PREX2: variants seen among roughly 807,000 people sequenced by gnomAD.
The protein encoded by PREX2 is phosphatidylinositol 3,4,5-trisphosphate-dependent Rac exchanger 2 protein.
In PREX2, 107 loss-of-function variants were observed where a neutral mutation model predicts 203.2. That is an observed-to-expected ratio of 0.53 (90% CI 0.45 to 0.62). The LOEUF is 0.62. PREX2 is among the 20% of genes least tolerant of loss of function. The pLI, the probability that PREX2 is intolerant of heterozygous loss-of-function variation, is 0.00. For synonymous variants in PREX2, 672 were observed against 663.6 expected, an observed-to-expected ratio of 1.01 and a Z score of -0.19; for missense variants, 1,777 against 1,955.9, an observed-to-expected ratio of 0.91 and a Z score of 1.72.
chr8:68,036,563 A>C (rs1271948538), intron 6 of PREX2, among the ~76,000 whole-genome samples: 1 of 152,168 alleles, frequency 6.6e-6, no homozygotes, highest in African/African-American at 2.4e-5. Context: ...CACTTTGCTT[A>C]ATGAACACAT....
chr8:68,164,349 A>ATT (rs112741830), intron 35 of PREX2, among the ~76,000 whole-genome samples: 44,610 of 126,784 alleles, frequency 0.35, 6,845 homozygotes, highest in East Asian at 0.54. Flanking sequence ...CTTAATATGT[A>ATT]TTATATATAT....
chr8:68,216,682 A>G, intron 37 of PREX2, among the ~76,000 whole-genome samples: 1 of 152,050 alleles, frequency 6.6e-6, no homozygotes, highest in Non-Finnish European at 1.5e-5. Context: ...AGAAAAGGAA[A>G]AGAACAGCCG....
At chr8:68,022,638 A>C (rs925991785) in intron 4 of PREX2, among the ~76,000 whole-genome samples, 1 of 152,196 alleles carries the variant, frequency 6.6e-6, no homozygotes, top group Non-Finnish European at 1.5e-5. Flanking sequence ...TTTGGCTGTC[A>C]CGGGCAAACT....
At chr8:67,982,700 A>G (rs1806306867) in intron 1 of PREX2, among the ~76,000 whole-genome samples, 1 of 152,132 alleles carries the variant, frequency 6.6e-6, no homozygotes, top group Admixed American at 6.6e-5. Context: ...TTTTGCCTTT[A>G]TATTTCCTTC....
chr8:68,064,344 G>T (rs901179880), intron 11 of PREX2, among the ~76,000 whole-genome samples: 1 of 152,004 alleles, frequency 6.6e-6, no homozygotes, highest in African/African-American at 2.4e-5. Flanking sequence ...CATAAATTAT[G>T]TTGCAAAAAG....
At chr8:68,139,412 A>C (rs1045851260) in intron 33 of PREX2, among the ~76,000 whole-genome samples, 2 of 152,142 alleles carry the variant, frequency 1.3e-5, no homozygotes, top group African/African-American at 2.4e-5. Context: ...GCATAGGTGG[A>C]GTGGAGCAAG....
At chr8:68,119,996 T>C (rs1390440807) in intron 28 of PREX2, among the ~76,000 whole-genome samples, 200 bp from the exon 29 acceptor site, 1 of 152,192 alleles carries the variant, frequency 6.6e-6, no homozygotes, top group Non-Finnish European at 1.5e-5. Flanking sequence ...TAATATATGG[T>C]AAGATAGTAA....
At chr8:68,225,523 G>C (rs995301807) in intron 39 of PREX2, among the ~76,000 whole-genome samples, 1 of 152,174 alleles carries the variant, frequency 6.6e-6, no homozygotes, top group Non-Finnish European at 1.5e-5. Context: ...CACTGCCACA[G>C]ACAAAACACT....
chr8:68,004,762 G>C (rs1051270967), intron 1 of PREX2, among the ~76,000 whole-genome samples: 1 of 152,104 alleles, frequency 6.6e-6, no homozygotes, highest in Non-Finnish European at 1.5e-5. Flanking sequence ...TCATTTATTT[G>C]TGTCACATTG....
chr8:68,118,435 A>G, intron 26 of PREX2, 115 bp from the exon 27 acceptor site: 4 of 635,730 alleles, frequency 6.3e-6, no homozygotes, highest in South Asian at 5.9e-5. Flanking sequence ...TCTTTCTCAT[A>G]GTTTTCTCTA....
intron 1 of PREX2, among the ~76,000 whole-genome samples, chr8:67,989,614 C>G (rs1198490454): frequency 6.6e-6 from 1 of 152,034 alleles, no homozygotes; most frequent in East Asian, 1.9e-4. Flanking sequence ...ATGATTTTGC[C>G]ACTTTAAGTA....
intron 1 of PREX2, among the ~76,000 whole-genome samples, chr8:68,007,232 G>C (rs1024269897): frequency 6.6e-6 from 1 of 152,024 alleles, no homozygotes; most frequent in Non-Finnish European, 1.5e-5. Flanking sequence ...TGTTATCCTA[G>C]GTTTTCACAG....
intron 23 of PREX2, 62 bp downstream of exon 23, chr8:68,099,905 T>G: frequency 7.4e-7 from 1 of 1,358,538 alleles, no homozygotes; most frequent in Non-Finnish European, 1.1e-6. Flanking sequence ...ATGTCAAATT[T>G]AAATCAATTT....
At chr8:67,994,225 C>T (rs1477989501) in intron 1 of PREX2, among the ~76,000 whole-genome samples, 3 of 152,152 alleles carry the variant, frequency 2.0e-5, no homozygotes, top group Non-Finnish European at 4.4e-5. Context: ...TTCTCAGAAA[C>T]GTGTCCCACT....
intron 37 of PREX2, among the ~76,000 whole-genome samples, chr8:68,214,022 G>A (rs1260661576): frequency 6.6e-6 from 1 of 152,082 alleles, no homozygotes; most frequent in African/African-American, 2.4e-5. Context: ...TTTCCAGGTG[G>A]GGTAAAAATA....
chr8:68,000,286 A>T (rs1806902955), intron 1 of PREX2, among the ~76,000 whole-genome samples: 1 of 152,240 alleles, frequency 6.6e-6, no homozygotes, highest in Non-Finnish European at 1.5e-5. Flanking sequence ...AATTGTTAAC[A>T]TGCCCATATA....
At chr8:68,176,089 T>C (rs1465775870) in intron 35 of PREX2, among the ~76,000 whole-genome samples, 2 of 152,190 alleles carry the variant, frequency 1.3e-5, no homozygotes, top group African/African-American at 4.8e-5. Context: ...TACACATTAA[T>C]ATTTGAAAAA....
intron 37 of PREX2, among the ~76,000 whole-genome samples, chr8:68,200,695 T>C (rs1251478450): frequency 1.3e-5 from 2 of 152,094 alleles, no homozygotes; most frequent in East Asian, 3.9e-4. Flanking sequence ...TTCTTAAAAT[T>C]AGATGTATGG....
At chr8:68,041,983 A>G (rs1808213886) in intron 7 of PREX2, among the ~76,000 whole-genome samples, 1 of 152,110 alleles carries the variant, frequency 6.6e-6, no homozygotes, top group Non-Finnish European at 1.5e-5. Context: ...TATTATGTGG[A>G]TCAAATACAG....
Sources: allele counts gnomAD v4.1 joint callset (sites outside exome capture counted in the v4.1 genomes callset), GRCh38; gene constraint gnomAD v4.1.1; transcripts MANE v1.5; gene names NCBI Gene and HGNC (gene_info 2026-07-23, HGNC 2026-07-21).